ATG7: variants seen among roughly 807,000 people sequenced by gnomAD.
ATG7 encodes ubiquitin-like modifier-activating enzyme ATG7.
In ATG7, 70 loss-of-function variants were observed where a neutral mutation model predicts 82.4. The ratio of observed to expected loss-of-function variants is 0.85; its 90% CI spans 0.70 to 1.04. ATG7 has a LOEUF of 1.04. ATG7 is among the 50% of genes least tolerant of loss of function. The pLI is 0.00. For missense variants in ATG7, 792 were observed against 864.3 expected (o/e 0.92, Z 1.05); for synonymous variants, 287 against 313.0 (o/e 0.92, Z 0.88).
chr3:11,550,162 C>A (rs1380166980), intron 20 of ATG7, among the ~76,000 whole-genome samples: 1 of 151,912 alleles, frequency 6.6e-6, no homozygotes, highest in Non-Finnish European at 1.5e-5. Flanking sequence ...CTTGCCTTTT[C>A]ATTTTCTCAG....
chr3:11,494,253 G>A (rs535947279), intron 20 of ATG7, among the ~76,000 whole-genome samples: 2 of 152,304 alleles, frequency 1.3e-5, no homozygotes, highest in East Asian at 3.9e-4. Context: ...CAGGAATTAG[G>A]GAGGGGTAAG....
At chr3:11,572,603 C>T in the ATG7 span, among the ~76,000 whole-genome samples, 4 of 152,160 alleles carry the variant, frequency 2.6e-5, no homozygotes, top group East Asian at 1.9e-4. Context: ...ACCTGACTGT[C>T]GTCCTCTTGC....
At chr3:11,484,565 T>C (rs576317362) in intron 20 of ATG7, among the ~76,000 whole-genome samples, 1 of 152,310 alleles carries the variant, frequency 6.6e-6, no homozygotes, top group African/African-American at 2.4e-5. Flanking sequence ...TTATTATTAT[T>C]ATACTTTAAG....
In ATG7 at chr3:11,316,319, A is replaced by G. The variant is rs1419748882; in HGVS notation, c.678+826A>G. Among the ~76,000 whole-genome samples the G allele has an allele frequency of 2.6e-5, 4 of 152,272 alleles. No individual in the cohort carries two copies. The South Asian group carries it at 8.3e-4, about 32-fold the overall frequency. ...TATTTTCCTCATAAAGCATTGCTCCAGCTAATCTTATCTATTTTTCTCCAG... is the reference window on the plus strand; with the variant it reads ...TATTTTCCTCATAAAGCATTGCTCCGGCTAATCTTATCTATTTTTCTCCAG... On this transcript the variant is annotated intron_variant, in intron 9 of 20. Coordinates refer to ENST00000693202, the MANE Select transcript of ATG7 (RefSeq NM_001349232.2).
intron 20 of ATG7, among the ~76,000 whole-genome samples, chr3:11,466,011 C>T (rs1252920723): frequency 6.6e-6 from 1 of 152,168 alleles, no homozygotes; most frequent in African/African-American, 2.4e-5. Flanking sequence ...TAAAATTTAG[C>T]TCTAATTATA....
chr3:11,369,106 C>G (rs1029353369), intron 18 of ATG7, among the ~76,000 whole-genome samples: 4 of 150,812 alleles, frequency 2.7e-5, no homozygotes, highest in Admixed American at 2.7e-4. Context: ...GGATATTTGG[C>G]CTTTCTGCAC....
intron 20 of ATG7, among the ~76,000 whole-genome samples, chr3:11,427,789 C>T (rs1377977583): frequency 1.3e-5 from 2 of 149,718 alleles, no homozygotes; most frequent in African/African-American, 2.5e-5. Context: ...CACTCCAGTC[C>T]GGGCGACGGT....
At chr3:11,520,531 A>C (rs1374293700) in intron 20 of ATG7, among the ~76,000 whole-genome samples, 1 of 152,166 alleles carries the variant, frequency 6.6e-6, no homozygotes, top group Admixed American at 6.5e-5. Context: ...GGCTGGGGAC[A>C]TGGGGATGAG....
At chr3:11,366,585 C>T (rs1289200457) in intron 18 of ATG7, among the ~76,000 whole-genome samples, 1 of 152,168 alleles carries the variant, frequency 6.6e-6, no homozygotes. Context: ...GAGATGTGCC[C>T]TCATCTCCTT....
At chr3:11,310,634 G>GTTT (rs1210766518) in intron 7 of ATG7, among the ~76,000 whole-genome samples, 2 of 142,106 alleles carry the variant, frequency 1.4e-5, no homozygotes, top group Non-Finnish European at 1.6e-5. Context: ...TAATTCTGTA[G>GTTT]TTTTTTTTTT....
intron 11 of ATG7, 59 bp from the exon 12 acceptor site, chr3:11,340,586 G>A: frequency 6.8e-7 from 1 of 1,467,790 alleles, no homozygotes; most frequent in Non-Finnish European, 9.5e-7. Flanking sequence ...GTCGTTGCTT[G>A]ATCTGCTTGT....
chr3:11,282,940 G>A (rs567564888), intron 3 of ATG7, among the ~76,000 whole-genome samples: 8 of 152,300 alleles, frequency 5.3e-5, no homozygotes, highest in African/African-American at 1.9e-4. Flanking sequence ...ATGTGGTTTG[G>A]TGCTTATTTT....
chr3:11,373,384 G>A (rs1005935699), intron 18 of ATG7, among the ~76,000 whole-genome samples: 1 of 152,162 alleles, frequency 6.6e-6, no homozygotes, highest in African/African-American at 2.4e-5. Flanking sequence ...ACAGCTAACA[G>A]GTGATGCTGA....
intron 1 of ATG7, chr3:11,277,459 G>A (rs1174766167): frequency 6.6e-6 from 1 of 152,380 alleles, no homozygotes; most frequent in Admixed American, 6.5e-5. Context: ...AGCTGGCTGA[G>A]AAATAAAGAG....
At chr3:11,351,851 CTTT>C (rs5846705) in intron 14 of ATG7, among the ~76,000 whole-genome samples, 1 of 146,382 alleles carries the variant, frequency 6.8e-6, no homozygotes, top group African/African-American at 2.5e-5. Flanking sequence ...AGTATAGTTT[CTTT>C]TTTTTTTTTT....
chr3:11,386,028 G>C (rs2078294260), intron 19 of ATG7, among the ~76,000 whole-genome samples: 2 of 152,208 alleles, frequency 1.3e-5, no homozygotes, highest in South Asian at 4.1e-4. Flanking sequence ...TTTTTAGGGA[G>C]TTTCCTAGCC....
intron 20 of ATG7, among the ~76,000 whole-genome samples, chr3:11,494,621 T>C (rs2090664385): frequency 6.6e-6 from 1 of 152,212 alleles, no homozygotes; most frequent in Admixed American, 6.5e-5. Context: ...AAAGTCCTTT[T>C]TCATCACTTT....
intron 20 of ATG7, among the ~76,000 whole-genome samples, chr3:11,470,688 G>A (rs1031099373): frequency 6.6e-6 from 1 of 152,182 alleles, no homozygotes; most frequent in African/African-American, 2.4e-5. Flanking sequence ...CTAAGAAAAT[G>A]TGTGGGCTGA....
chr3:11,451,751 GA>G (rs1329562452), intron 20 of ATG7, among the ~76,000 whole-genome samples: 2 of 91,448 alleles, frequency 2.2e-5, no homozygotes, highest in Admixed American at 2.3e-4. Flanking sequence ...GGCAACCATA[GA>G]AAATATTACG....
Sources: gnomAD v4.1 joint callset for allele counts (sites outside exome capture counted in the v4.1 genomes callset) on GRCh38, gnomAD v4.1.1 for gene constraint, MANE v1.5 for transcripts, NCBI Gene and HGNC (gene_info 2026-07-23, HGNC 2026-07-21) for gene names.